Variants in CECR2 observed in about 807,000 individuals in gnomAD.
CECR2 encodes the protein CECR2 histone acetyl-lysine reader, also known as chromatin remodeling regulator CECR2.
CECR2 carries 30 observed loss-of-function variants against 154.5 expected under a neutral mutation model. The ratio of observed to expected loss-of-function variants is 0.19; its 90% CI spans 0.15 to 0.26. CECR2 has a LOEUF of 0.26. Ranked by LOEUF, CECR2 falls within the 10% of genes least tolerant of loss-of-function variation. CECR2 has a pLI of 1.00. For synonymous variants in CECR2, 725 were observed against 683.7 expected, an observed-to-expected ratio of 1.06 and a Z score of -0.94; for missense variants, 1,743 against 1,829.3, an observed-to-expected ratio of 0.95 and a Z score of 0.86.
intron 1 of CECR2, among the ~76,000 whole-genome samples, chr22:17,429,551 C>CAAAA (rs142777624): frequency 0.06 from 8,230 of 138,042 alleles, 770 homozygotes; most frequent in East Asian, 0.23. Context: ...AAAACAAAAA[C>CAAAA]AAAAACAAAG....
chr22:17,540,563 T>C lies in CECR2; in HGVS notation c.1647T>C (p.Gly549=). The C allele has an allele frequency of 1.2e-6, 2 of 1,612,522 alleles. No homozygotes were observed. The highest frequency in any genetic ancestry group is 1.7e-6 in the Non-Finnish European group (2 of 1,179,048). The change falls in exon 14 of 19, where the codon GGT becomes GGC. Residue 549 remains glycine, a synonymous_variant. Transcript: ENST00000262608. ...GACGGAGTCGGGCTGGGCGAAGTGGTGGGAGCCATGTTTGGACCCGCTCCA... is the reference window on the plus strand; with the variant it reads ...GACGGAGTCGGGCTGGGCGAAGTGGCGGGAGCCATGTTTGGACCCGCTCCA... ...EKRRSRAGRS[G]GSHVWTRSRD...
At chr22:17,463,331 A>G (rs1055581351) in intron 1 of CECR2, among the ~76,000 whole-genome samples, 6 of 152,148 alleles carry the variant, frequency 3.9e-5, no homozygotes, top group African/African-American at 1.4e-4. Context: ...CATTGGTACA[A>G]AGGGGTGGAA....
At chr22:17,481,784 G>A (rs546248796) in intron 2 of CECR2, among the ~76,000 whole-genome samples, 79 of 152,274 alleles carry the variant, frequency 5.2e-4, no homozygotes, top group African/African-American at 1.8e-3. Flanking sequence ...GGTGATGCTG[G>A]TGTAAACAAA....
At chr22:17,416,654 A>G (rs2054160043) in intron 1 of CECR2, among the ~76,000 whole-genome samples, 1 of 152,190 alleles carries the variant, frequency 6.6e-6, no homozygotes, top group Non-Finnish European at 1.5e-5. Flanking sequence ...GGCACGTGCC[A>G]TCATGCCCAG....
chr22:17,510,811 T>G (rs1256939032), intron 7 of CECR2, among the ~76,000 whole-genome samples: 1 of 152,160 alleles, frequency 6.6e-6, no homozygotes, highest in Non-Finnish European at 1.5e-5. Flanking sequence ...TTCACCATGT[T>G]GGTCAGGATG....
intron 2 of CECR2, among the ~76,000 whole-genome samples, chr22:17,493,552 C>T (rs540224009): frequency 6.6e-6 from 1 of 152,318 alleles, no homozygotes; most frequent in East Asian, 1.9e-4. Flanking sequence ...GGTTGATCTA[C>T]ATACAAGGAA....
At position 17,437,923 on chromosome 22, in the gene CECR2, T is replaced by A. The variant is rs1026480239; in HGVS notation, c.127-39665T>A. ...AAAGATGGATGTTACTCACTGTAACTTAATAGTTTAAAAGGACAAAGTTTC... is the reference window on the plus strand; with the variant it reads ...AAAGATGGATGTTACTCACTGTAACATAATAGTTTAAAAGGACAAAGTTTC... On this transcript the variant is annotated intron_variant, in intron 1 of 18. Transcript: ENST00000262608. Among the ~76,000 whole-genome samples, 4 of 152,194 alleles carry A rather than the reference T, an allele frequency of 2.6e-5. No homozygotes were observed. The South Asian group carries it at 6.2e-4, about 24-fold the overall frequency.
At chr22:17,370,558 G>A (rs893028817) in intron 1 of CECR2, among the ~76,000 whole-genome samples, 11 of 152,150 alleles carry the variant, frequency 7.2e-5, no homozygotes, top group African/African-American at 2.7e-4. Context: ...CCTTCCTCCC[G>A]TAATATCCAG....
chr22:17,369,962 C>T (rs1292409805), intron 1 of CECR2, 53 bp downstream of exon 1: 1 of 151,110 alleles, frequency 6.6e-6, no homozygotes, highest in Non-Finnish European at 1.5e-5. Context: ...GCTCCCCCTG[C>T]CCCGCGCGGG....
chr22:17,434,186 G>T (rs2054468708), intron 1 of CECR2, among the ~76,000 whole-genome samples: 1 of 152,176 alleles, frequency 6.6e-6, no homozygotes, highest in East Asian at 1.9e-4. Flanking sequence ...TTGGGAGAAT[G>T]AACAGTTAAA....
chr22:17,510,164 A>G (rs372400560), intron 7 of CECR2, among the ~76,000 whole-genome samples: 15 of 152,338 alleles, frequency 9.8e-5, no homozygotes, highest in African/African-American at 3.4e-4. Context: ...TATCAAGAAT[A>G]GCATTTTTCT....
chr22:17,494,193 T>G (rs990404056), intron 2 of CECR2, among the ~76,000 whole-genome samples: 1 of 152,246 alleles, frequency 6.6e-6, no homozygotes, highest in African/African-American at 2.4e-5. Flanking sequence ...CCTCCCGGGT[T>G]CAAGCGATTC....
At chr22:17,404,256 C>G (rs1206822481) in intron 1 of CECR2, among the ~76,000 whole-genome samples, 1 of 130,880 alleles carries the variant, frequency 7.6e-6, no homozygotes, top group Non-Finnish European at 1.6e-5. Flanking sequence ...GAGACTCTGT[C>G]CCCATCCCCC....
chr22:17,495,397 T>C (rs1234979246), intron 2 of CECR2, among the ~76,000 whole-genome samples: 1 of 151,896 alleles, frequency 6.6e-6, no homozygotes, highest in Non-Finnish European at 1.5e-5. Context: ...GGTGAAACCC[T>C]GTCTTTACTA....
chr22:17,493,555 A>G (rs1032658650), intron 2 of CECR2, among the ~76,000 whole-genome samples: 24 of 152,204 alleles, frequency 1.6e-4, no homozygotes, highest in Admixed American at 1.2e-3. Context: ...TGATCTACAT[A>G]CAAGGAAATG....
At chr22:17,375,218 A>G (rs906244348) in intron 1 of CECR2, among the ~76,000 whole-genome samples, 2 of 152,186 alleles carry the variant, frequency 1.3e-5, no homozygotes, top group African/African-American at 4.8e-5. Flanking sequence ...GGTTCAAGCG[A>G]TTCTCCTGCC....
intron 1 of CECR2, among the ~76,000 whole-genome samples, chr22:17,381,256 TC>T (rs1399319820): frequency 6.6e-6 from 1 of 152,172 alleles, no homozygotes; most frequent in Non-Finnish European, 1.5e-5. Context: ...TGAAAGACTT[TC>T]CCCCCATTTT....
chr22:17,524,432 G>A lies in CECR2; in HGVS notation c.1108+161G>A, dbSNP rs1311643326. 4.9e-5 allele frequency: 40 copies of A among 808,978 alleles called. 2 individuals carry two copies. Among genetic ancestry groups the A allele is most frequent in the South Asian group, 1.3e-4 (7 of 54,520 alleles). 50.1% of individuals were successfully genotyped at this position (808,978 alleles called of 1,614,324 possible). A position where few individuals can be genotyped will look rare whatever the true frequency, so the allele number is the denominator to read the frequency against. ...TTTTGAGACGGAGTCTCGCTGTGTC[G>A]CCCAGGCTGGAGTGCAGTGGCGTGA... On this transcript the variant is annotated intron_variant, in intron 9 of 18. Coordinates refer to ENST00000262608, the MANE Select transcript of CECR2 (RefSeq NM_001290047.2).
rs558169622 is a variant in CECR2 at position 17,472,734 on chromosome 22, G to GATTAGAA, written c.127-4852_127-4846dup. On this transcript the variant is annotated intron_variant, in intron 1 of 18. Coordinates refer to ENST00000262608, the MANE Select transcript of CECR2 (RefSeq NM_001290047.2). ...AAAGATTAATGAAAATTTATACAGG[G>GATTAGAA]ATTAGAAACACATCAAACAAGAAAA... Among the ~76,000 whole-genome samples, 47 of 152,134 alleles carry GATTAGAA rather than the reference G, an allele frequency of 3.1e-4. No homozygotes were observed. In the South Asian group the frequency reaches 9.5e-3, roughly 31 times the overall value.
Sources: gnomAD v4.1 joint callset for allele counts (sites outside exome capture counted in the v4.1 genomes callset) on GRCh38, gnomAD v4.1.1 for gene constraint, MANE v1.5 for transcripts, NCBI Gene and HGNC (gene_info 2026-07-23, HGNC 2026-07-21) for gene names.